PXDNL: variants seen among roughly 807,000 people sequenced by gnomAD.
The protein encoded by PXDNL is probable oxidoreductase PXDNL.
A neutral mutation model predicts 150.8 loss-of-function variants in PXDNL; 145 were observed. The observed-to-expected ratio is 0.96, with a 90% CI of 0.84 to 1.10. PXDNL has a LOEUF of 1.10. Ranked by LOEUF, PXDNL falls within the 50% of genes least tolerant of loss-of-function variation. The pLI, the probability that PXDNL is intolerant of heterozygous loss-of-function variation, is 0.00. For missense variants in PXDNL, 2,087 were observed against 1,873.9 expected (o/e 1.11, Z -2.10); for synonymous variants, 757 against 725.7 (o/e 1.04, Z -0.69).
At chr8:51,603,628 T>C (rs549944012) in intron 2 of PXDNL, among the ~76,000 whole-genome samples, 1 of 152,146 alleles carries the variant, frequency 6.6e-6, no homozygotes, top group South Asian at 2.1e-4. Context: ...TGGGTTGCAC[T>C]ATATAAGCAT....
intron 11 of PXDNL, among the ~76,000 whole-genome samples, chr8:51,447,997 A>T: frequency 6.6e-6 from 1 of 152,240 alleles, no homozygotes; most frequent in Non-Finnish European, 1.5e-5. Context: ...CAAATGGAGG[A>T]GTGGAGATGT....
intron 5 of PXDNL, among the ~76,000 whole-genome samples, chr8:51,493,901 C>T (rs1810966561): frequency 6.6e-6 from 1 of 152,132 alleles, no homozygotes; most frequent in Non-Finnish European, 1.5e-5. Flanking sequence ...CAAGGCAGGC[C>T]AACATTCAAA....
At chr8:51,431,181 C>A (rs1409139393) in intron 12 of PXDNL, among the ~76,000 whole-genome samples, 1 of 152,142 alleles carries the variant, frequency 6.6e-6, no homozygotes, top group East Asian at 1.9e-4. Flanking sequence ...AATCTCACCC[C>A]ATCTTGCCAC....
chr8:51,348,511 G>A (rs1586021282), intron 19 of PXDNL, among the ~76,000 whole-genome samples: 1 of 152,134 alleles, frequency 6.6e-6, no homozygotes, highest in East Asian at 1.9e-4. Flanking sequence ...TGCCAAAGAA[G>A]CAGAGTATTC....
At chr8:51,743,444 C>T (rs2036928947) in intron 1 of PXDNL, among the ~76,000 whole-genome samples, 1 of 151,920 alleles carries the variant, frequency 6.6e-6, no homozygotes, top group African/African-American at 2.4e-5. Context: ...TGCAGTGATG[C>T]GATCTTGGCT....
intron 4 of PXDNL, among the ~76,000 whole-genome samples, chr8:51,508,105 C>T (rs1006344266): frequency 2.0e-5 from 3 of 152,200 alleles, no homozygotes; most frequent in South Asian, 2.1e-4. Context: ...CAATGGTACT[C>T]GATGGCACCA....
At position 51,809,430 on chromosome 8, in the gene PXDNL, T is replaced by G. The variant is rs879908711; in HGVS notation, c.-86A>C. ...GCAGCAGCAACCGCAGTGGTGGTGA[T>G]GGTGGCTGCTGGACTGAGCCAAGTT... On this transcript the variant is annotated 5_prime_UTR_variant, in exon 1 of 23. Coordinates refer to ENST00000356297, the MANE Select transcript of PXDNL (RefSeq NM_144651.5). 22 of 1,352,642 alleles carry G rather than the reference T, an allele frequency of 1.6e-5. No homozygotes were observed. The highest frequency in any genetic ancestry group is 1.7e-5 in the Non-Finnish European group (17 of 1,018,140). The allele number at this position is 1,352,642 out of a possible 1,614,324, so 83.8% of individuals were successfully genotyped here. A position where few individuals can be genotyped will look rare whatever the true frequency, so the allele number is the denominator to read the frequency against.
At chr8:51,614,627 C>T (rs1814094339) in intron 2 of PXDNL, among the ~76,000 whole-genome samples, 1 of 152,102 alleles carries the variant, frequency 6.6e-6, no homozygotes, top group Non-Finnish European at 1.5e-5. Context: ...TTTCTTTTAA[C>T]CCTGTATTAT....
At chr8:51,374,566 TA>T (rs1339464817) in intron 18 of PXDNL, 30 bp downstream of exon 18, 1 of 1,607,480 alleles carries the variant, frequency 6.2e-7, no homozygotes, top group East Asian at 2.2e-5. Context: ...ACTTTTGTGA[TA>T]TTTAATAAGT....
intron 1 of PXDNL, among the ~76,000 whole-genome samples, chr8:51,685,383 G>T (rs1220551428): frequency 2.0e-5 from 3 of 152,172 alleles, no homozygotes; most frequent in Non-Finnish European, 4.4e-5. Context: ...GCCAGTTCAT[G>T]TTCCCCAATT....
intron 1 of PXDNL, among the ~76,000 whole-genome samples, chr8:51,767,018 A>C (rs1365212426): frequency 6.6e-6 from 1 of 151,998 alleles, no homozygotes; most frequent in East Asian, 1.9e-4. Flanking sequence ...CTTTTTAAAT[A>C]ATTTATACCT....
At chr8:51,669,377 G>A (rs1334104771) in intron 1 of PXDNL, among the ~76,000 whole-genome samples, 1 of 152,184 alleles carries the variant, frequency 6.6e-6, no homozygotes, top group Non-Finnish European at 1.5e-5. Flanking sequence ...ATTATAATGA[G>A]TGAAGGAATA....
intron 1 of PXDNL, among the ~76,000 whole-genome samples, chr8:51,712,154 TA>T (rs1320453463): frequency 6.6e-6 from 1 of 152,182 alleles, no homozygotes; most frequent in African/African-American, 2.4e-5. Flanking sequence ...CTGGGTGTGG[TA>T]ACATGGTAAG....
At chr8:51,698,130 A>G (rs1005840991) in intron 1 of PXDNL, among the ~76,000 whole-genome samples, 6 of 152,208 alleles carry the variant, frequency 3.9e-5, no homozygotes, top group African/African-American at 1.4e-4. Context: ...AGTTGCTGAA[A>G]GCTTAGGTAG....
chr8:51,751,015 G>A (rs1392725820), intron 1 of PXDNL, among the ~76,000 whole-genome samples: 2 of 152,072 alleles, frequency 1.3e-5, no homozygotes, highest in African/African-American at 2.4e-5. Context: ...AGTCTATCCA[G>A]AGAAAATGCC....
At chr8:51,760,402 G>C (rs1585729037) in intron 1 of PXDNL, among the ~76,000 whole-genome samples, 1 of 151,830 alleles carries the variant, frequency 6.6e-6, no homozygotes, top group East Asian at 1.9e-4. Flanking sequence ...GAGTAGCATT[G>C]TGTTCTAAAT....
chr8:51,434,838 T>C (rs1213194470), intron 12 of PXDNL, among the ~76,000 whole-genome samples: 1 of 152,194 alleles, frequency 6.6e-6, no homozygotes, highest in Non-Finnish European at 1.5e-5. Flanking sequence ...ATATCTTGAT[T>C]TTAGCATTCT....
intron 1 of PXDNL, among the ~76,000 whole-genome samples, chr8:51,698,069 T>C (rs938061085): frequency 2.0e-5 from 3 of 152,200 alleles, no homozygotes; most frequent in Admixed American, 6.5e-5. Flanking sequence ...TAAATTTTGC[T>C]GGTGGAGAGT....
intron 1 of PXDNL, among the ~76,000 whole-genome samples, chr8:51,803,834 C>T (rs1225121002): frequency 6.6e-6 from 1 of 152,190 alleles, no homozygotes; most frequent in African/African-American, 2.4e-5. Context: ...AATTAATGTA[C>T]ACCGTTAGCC....
Sources: gnomAD v4.1 joint callset for allele counts (sites outside exome capture counted in the v4.1 genomes callset) on GRCh38, gnomAD v4.1.1 for gene constraint, MANE v1.5 for transcripts, NCBI Gene and HGNC (gene_info 2026-07-23, HGNC 2026-07-21) for gene names.